The following LIMS1 variants were observed in gnomAD, a reference collection of about 807,000 sequenced individuals.
LIMS1 encodes the protein LIM and senescent cell antigen-like-containing domain protein 1.
In LIMS1, 18 loss-of-function variants were observed where a neutral mutation model predicts 44.1. The ratio of observed to expected loss-of-function variants is 0.41; its 90% CI spans 0.28 to 0.61. LIMS1 has a LOEUF of 0.61. Among genes scored for constraint, LIMS1 ranks in the 20% least tolerant of loss-of-function variants. LIMS1 has a pLI of 0.32. For missense variants in LIMS1, 201 were observed against 422.0 expected (o/e 0.48, Z 4.59); for synonymous variants, 93 against 149.1 (o/e 0.62, Z 2.74).
At chr2:108,611,969 C>T (rs11890935) in intron 1 of LIMS1, among the ~76,000 whole-genome samples, 1 of 137,358 alleles carries the variant, frequency 7.3e-6, no homozygotes, top group African/African-American at 2.7e-5. Flanking sequence ...TATATATACA[C>T]ATATATAAAA....
chr2:108,546,757 G>A (rs1287006429), intron 1 of LIMS1, among the ~76,000 whole-genome samples: 1 of 151,336 alleles, frequency 6.6e-6, no homozygotes, highest in South Asian at 2.1e-4. Flanking sequence ...TTCAATGAAA[G>A]ATAGAAGGAA....
At chr2:108,575,433 C>A (rs1417740941) in intron 1 of LIMS1, among the ~76,000 whole-genome samples, 1 of 152,206 alleles carries the variant, frequency 6.6e-6, no homozygotes, top group Non-Finnish European at 1.5e-5. Context: ...AGAGCTGCAG[C>A]CTAGCAGGTG....
intron 1 of LIMS1, among the ~76,000 whole-genome samples, chr2:108,647,903 A>G (rs1484384919): frequency 6.6e-6 from 1 of 152,222 alleles, no homozygotes; most frequent in South Asian, 2.1e-4. Context: ...AAAAACCAGC[A>G]CAAGACAAGG....
At chr2:108,669,962 A>C (rs186347352) in intron 2 of LIMS1, among the ~76,000 whole-genome samples, 186 of 152,292 alleles carry the variant, frequency 1.2e-3, no homozygotes, top group African/African-American at 4.4e-3. Flanking sequence ...TACAGAAGAA[A>C]ATAAATGTTA....
At chr2:108,680,158 C>G (rs1160519578) in intron 8 of LIMS1, among the ~76,000 whole-genome samples, 1 of 151,778 alleles carries the variant, frequency 6.6e-6, no homozygotes, top group African/African-American at 2.4e-5. Context: ...ATCACAAGGT[C>G]AAGAGATTGA....
At chr2:108,675,715 G>T (rs1343741289) in intron 5 of LIMS1, among the ~76,000 whole-genome samples, 163 bp from the exon 6 acceptor site, 1 of 152,088 alleles carries the variant, frequency 6.6e-6, no homozygotes, top group Non-Finnish European at 1.5e-5. Context: ...ACCTGTTCAG[G>T]CCTATTAATT....
intron 1 of LIMS1, among the ~76,000 whole-genome samples, chr2:108,611,929 T>TACAC (rs1558808890): frequency 1.4e-4 from 20 of 144,806 alleles, no homozygotes; most frequent in East Asian, 7.9e-4. Context: ...AAAATATATA[T>TACAC]ATACATATAT....
At chr2:108,582,605 TA>T (rs1452910549) in intron 1 of LIMS1, among the ~76,000 whole-genome samples, 1 of 152,080 alleles carries the variant, frequency 6.6e-6, no homozygotes, top group Non-Finnish European at 1.5e-5. Flanking sequence ...CCATTTCTAC[TA>T]AAAATATGAA....
chr2:108,621,355 A>G (rs1222143622), intron 1 of LIMS1: 5 of 1,550,588 alleles, frequency 3.2e-6, no homozygotes, highest in Middle Eastern at 3.3e-4. Flanking sequence ...GGAGAGAAGT[A>G]TGACTGCATT....
Position 108,545,724 on chromosome 2 carries a change from T to G in LIMS1, c.32+11130T>G, listed in dbSNP as rs543048085. 3.0e-4 allele frequency among the ~76,000 whole-genome samples: 46 copies of G among 152,316 alleles called. 1 individual carries two copies. The South Asian group carries it at 9.1e-3, about 30-fold the overall frequency. On this transcript the variant is annotated intron_variant, in intron 1 of 9. Transcript: ENST00000544547. Reference sequence around the variant, plus strand: ...GGAGGAGAACTTGCCTCAGGATGAATGGTGCCTTGAGTCTTACCCATATCT... The same window carrying G: ...GGAGGAGAACTTGCCTCAGGATGAAGGGTGCCTTGAGTCTTACCCATATCT...
At chr2:108,666,959 T>C (rs1691801121) in intron 2 of LIMS1, among the ~76,000 whole-genome samples, 1 of 151,906 alleles carries the variant, frequency 6.6e-6, no homozygotes, top group Admixed American at 6.6e-5. Flanking sequence ...ATCCAGAAGC[T>C]GTCTGCACCC....
chr2:108,656,493 G>T (rs1352064040), intron 1 of LIMS1, among the ~76,000 whole-genome samples: 3 of 152,168 alleles, frequency 2.0e-5, no homozygotes, highest in Non-Finnish European at 4.4e-5. Flanking sequence ...TCTGTCATCT[G>T]TAGTATTAAA....
chr2:108,657,334 T>C (rs1487312035), intron 1 of LIMS1, among the ~76,000 whole-genome samples: 1 of 152,298 alleles, frequency 6.6e-6, no homozygotes, highest in African/African-American at 2.4e-5. Flanking sequence ...ATTAAGATTG[T>C]TGAGGTTTGG....
intron 1 of LIMS1, among the ~76,000 whole-genome samples, chr2:108,587,732 A>G (rs1686178891): frequency 1.3e-5 from 2 of 152,212 alleles, no homozygotes; most frequent in Non-Finnish European, 2.9e-5. Context: ...TTTATTCTCC[A>G]GTGGAAACTT....
chr2:108,543,986 A>G (rs888717137), intron 1 of LIMS1, among the ~76,000 whole-genome samples: 2 of 152,110 alleles, frequency 1.3e-5, no homozygotes, highest in Non-Finnish European at 2.9e-5. Context: ...GAGTCTTGCC[A>G]CTGCACTCCA....
chr2:108,557,513 G>A (rs1684964859), intron 1 of LIMS1, among the ~76,000 whole-genome samples: 1 of 151,284 alleles, frequency 6.6e-6, no homozygotes, highest in Non-Finnish European at 1.5e-5. Context: ...TCAAAAAATA[G>A]TAGGAACTTT....
intron 1 of LIMS1, among the ~76,000 whole-genome samples, chr2:108,633,545 TC>T (rs1689047017): frequency 6.6e-6 from 1 of 152,252 alleles, no homozygotes; most frequent in Non-Finnish European, 1.5e-5. Context: ...GTTATTTTGT[TC>T]TGTTTTCTCA....
At chr2:108,647,594 C>T (rs1690163294) in intron 1 of LIMS1, among the ~76,000 whole-genome samples, 1 of 152,202 alleles carries the variant, frequency 6.6e-6, no homozygotes, top group Non-Finnish European at 1.5e-5. Flanking sequence ...AATCCAGCAG[C>T]ATATCAAAAA....
intron 1 of LIMS1, among the ~76,000 whole-genome samples, chr2:108,547,154 G>A (rs560753177): frequency 1.3e-5 from 2 of 152,194 alleles, no homozygotes; most frequent in African/African-American, 4.8e-5. Flanking sequence ...AAACTGGTGT[G>A]CTTCCACACT....
Sources: gnomAD v4.1 joint callset for allele counts (sites outside exome capture counted in the v4.1 genomes callset) on GRCh38, gnomAD v4.1.1 for gene constraint, MANE v1.5 for transcripts, NCBI Gene and HGNC (gene_info 2026-07-23, HGNC 2026-07-21) for gene names.